GASK1B: variants seen among roughly 807,000 people sequenced by gnomAD.
GASK1B encodes the protein golgi associated kinase 1B.
In GASK1B, 34 loss-of-function variants were observed where a neutral mutation model predicts 42.8. The ratio of observed to expected loss-of-function variants is 0.79; its 90% CI spans 0.60 to 1.06. GASK1B has a LOEUF of 1.06. GASK1B is among the 50% of genes least tolerant of loss of function. GASK1B has a pLI of 0.00. For synonymous variants in GASK1B, 262 were observed against 259.1 expected, an observed-to-expected ratio of 1.01 and a Z score of -0.11; for missense variants, 686 against 661.0, an observed-to-expected ratio of 1.04 and a Z score of -0.42.
chr4:158,151,874 G>A (rs1337658265), intron 3 of GASK1B, among the ~76,000 whole-genome samples: 2 of 152,192 alleles, frequency 1.3e-5, no homozygotes, highest in East Asian at 1.9e-4. Context: ...GTGTGTCTGT[G>A]AGGGTGTTGC....
Position 158,166,272 on chromosome 4 carries a change from A to T in GASK1B, c.910+4194T>A, listed in dbSNP as rs116561176. 8.1e-3 allele frequency among the ~76,000 whole-genome samples: 1,227 copies of T among 152,366 alleles called. 14 individuals are homozygous for T. Among genetic ancestry groups the T allele is most frequent in the African/African-American group, 0.028 (1,163 of 41,588 alleles). On this transcript the variant is annotated intron_variant, in intron 2 of 4. Transcript: ENST00000585682. ...CATCTTTTTGTATTTAAGAAGAATC[A>T]TCTAGAACTCATCAAGTCACACAAT...
chr4:158,129,840 A>C (rs1419257132), intron 4 of GASK1B, among the ~76,000 whole-genome samples: 2 of 152,204 alleles, frequency 1.3e-5, no homozygotes, highest in Non-Finnish European at 2.9e-5. Flanking sequence ...TTTCTGACTA[A>C]GATGGGAAGT....
chr4:158,141,654 T>C (rs185344772), intron 3 of GASK1B, among the ~76,000 whole-genome samples: 1 of 123,950 alleles, frequency 8.1e-6, no homozygotes, highest in South Asian at 2.9e-4. Flanking sequence ...TCGCACAGGC[T>C]GGAGTGCAGT....
At chr4:158,148,581 T>C (rs1731422402) in intron 3 of GASK1B, among the ~76,000 whole-genome samples, 1 of 152,204 alleles carries the variant, frequency 6.6e-6, no homozygotes, top group Admixed American at 6.5e-5. Flanking sequence ...CAGATTAACT[T>C]CTGATTTTAG....
At position 158,144,029 on chromosome 4, in the gene GASK1B, G is replaced by T. The variant is rs565167394; in HGVS notation, c.1125+11582C>A. Reference sequence around the variant, plus strand: ...ACTTTTTTGTCATGTTTTACCATTTGTTTACATTATTTCCCTGCAAAAAAT... The same window carrying T: ...ACTTTTTTGTCATGTTTTACCATTTTTTTACATTATTTCCCTGCAAAAAAT... On this transcript the variant is annotated intron_variant, in intron 3 of 4. Transcript: ENST00000585682. Among the ~76,000 whole-genome samples the T allele has an allele frequency of 3.3e-5, 5 of 152,048 alleles. No individual in the cohort carries two copies. In the South Asian group the frequency reaches 1.0e-3, roughly 32 times the overall value.
intron 3 of GASK1B, among the ~76,000 whole-genome samples, chr4:158,148,203 G>C (rs1731407387): frequency 6.6e-6 from 1 of 152,134 alleles, no homozygotes; most frequent in Admixed American, 6.6e-5. Context: ...AACAGAGCGA[G>C]ACCCTGTCTC....
intron 3 of GASK1B, among the ~76,000 whole-genome samples, chr4:158,140,443 C>T (rs1731070271): frequency 6.6e-6 from 1 of 152,144 alleles, no homozygotes; most frequent in African/African-American, 2.4e-5. Context: ...CTTCATTAGC[C>T]AATAATGAGT....
intron 3 of GASK1B, among the ~76,000 whole-genome samples, chr4:158,150,214 C>T (rs1227695342): frequency 6.6e-6 from 1 of 152,106 alleles, no homozygotes; most frequent in Non-Finnish European, 1.5e-5. Flanking sequence ...CGTAAGCCAC[C>T]GCGCTCGGCC....
At chr4:158,158,581 A>T (rs903549666) in intron 2 of GASK1B, among the ~76,000 whole-genome samples, 1 of 152,116 alleles carries the variant, frequency 6.6e-6, no homozygotes, top group Non-Finnish European at 1.5e-5. Context: ...TTTAAATAGT[A>T]CCACTTTAAT....
At chr4:158,160,481 G>C (rs1731931282) in intron 2 of GASK1B, among the ~76,000 whole-genome samples, 1 of 152,102 alleles carries the variant, frequency 6.6e-6, no homozygotes, top group African/African-American at 2.4e-5. Flanking sequence ...GGAGAAAAGG[G>C]AACCCTTAGC....
At chr4:158,152,443 C>A (rs1731593462) in intron 3 of GASK1B, among the ~76,000 whole-genome samples, 1 of 151,974 alleles carries the variant, frequency 6.6e-6, no homozygotes, top group African/African-American at 2.4e-5. Context: ...AATCCTATGA[C>A]ACTATTCCAC....
At chr4:158,160,127 T>TCCTTC (rs1731915105) in intron 2 of GASK1B, among the ~76,000 whole-genome samples, 2 of 152,114 alleles carry the variant, frequency 1.3e-5, no homozygotes, top group Admixed American at 1.3e-4. Context: ...AACAACTCTA[T>TCCTTC]AATACCCATT....
At chr4:158,150,195 G>A (rs1003777321) in intron 3 of GASK1B, among the ~76,000 whole-genome samples, 3 of 152,026 alleles carry the variant, frequency 2.0e-5, no homozygotes, top group Non-Finnish European at 4.4e-5. Context: ...AAAGTGCTGG[G>A]ATTACAGGCG....
chr4:158,150,026 C>T (rs573115855), intron 3 of GASK1B, among the ~76,000 whole-genome samples: 43 of 149,852 alleles, frequency 2.9e-4, no homozygotes, highest in Non-Finnish European at 5.2e-4. Context: ...CCCAGGTTCA[C>T]GCCATTCTCC....
intron 3 of GASK1B, among the ~76,000 whole-genome samples, chr4:158,150,038 G>A (rs558837944): frequency 6.1e-4 from 90 of 146,744 alleles, no homozygotes; most frequent in Middle Eastern, 3.6e-3. Flanking sequence ...CCATTCTCCT[G>A]CCTCAGCCTC....
At chr4:158,136,749 C>T (rs1026329909) in intron 3 of GASK1B, among the ~76,000 whole-genome samples, 1 of 152,132 alleles carries the variant, frequency 6.6e-6, no homozygotes, top group African/African-American at 2.4e-5. Context: ...CATCTCTTTT[C>T]AAATGATTTG....
Position 158,148,786 on chromosome 4 carries a change from A to G in GASK1B, c.1125+6825T>C, listed in dbSNP as rs540886635. Among the ~76,000 whole-genome samples, 18 of 152,328 alleles carry G rather than the reference A, an allele frequency of 1.2e-4. No individual in the cohort carries two copies. The East Asian group carries it at 3.1e-3, about 26-fold the overall frequency. On this transcript the variant is annotated intron_variant, in intron 3 of 4. Coordinates refer to ENST00000585682, the MANE Select transcript of GASK1B (RefSeq NM_001128424.2). ...TGAAAACTCCTAATAGTGATTTCAC[A>G]TGTTCAGATTCGTCCTCAAGACCAC...
At chr4:158,130,753 G>A in intron 4 of GASK1B, 33 bp downstream of exon 4, 1 of 1,484,060 alleles carries the variant, frequency 6.7e-7, no homozygotes, top group Non-Finnish European at 9.4e-7. Flanking sequence ...TAACATAAAT[G>A]TGATGTCCTG....
intron 2 of GASK1B, among the ~76,000 whole-genome samples, chr4:158,167,431 A>G (rs1560793832): frequency 6.6e-6 from 1 of 152,184 alleles, no homozygotes; most frequent in East Asian, 1.9e-4. Context: ...TGAATTCCTT[A>G]TGAGATCCTC....
Sources: allele counts gnomAD v4.1 joint callset (sites outside exome capture counted in the v4.1 genomes callset), GRCh38; gene constraint gnomAD v4.1.1; transcripts MANE v1.5; gene names NCBI Gene and HGNC (gene_info 2026-07-23, HGNC 2026-07-21).